The following TMEM119 variants were observed in gnomAD, a reference collection of about 807,000 sequenced individuals.
The protein encoded by TMEM119 is transmembrane protein 119, also known as osteoblast induction factor.
For missense variants in TMEM119, 410 were observed against 381.0 expected, an observed-to-expected ratio of 1.08 and a Z score of -0.63; for synonymous variants, 182 against 176.4, an observed-to-expected ratio of 1.03 and a Z score of -0.25.
At position 108,591,748 on chromosome 12, in the gene TMEM119, G is replaced by A. The variant is rs200950010; in HGVS notation, c.636C>T (p.Ser212=). 3.8e-5 allele frequency: 61 copies of A among 1,603,304 alleles called. No homozygotes were observed. Among genetic ancestry groups the A allele is most frequent in the East Asian group, 1.6e-4 (7 of 44,724 alleles). ...GRGAEEEEKG[S]QEGDQEVQGH... Reference sequence around the variant, plus strand: ...CCTGGACTTCCTGGTCCCCCTCCTGGCTGCCCTTCTCCTCTTCCTCTGCGC... The same window carrying A: ...CCTGGACTTCCTGGTCCCCCTCCTGACTGCCCTTCTCCTCTTCCTCTGCGC... The change falls in exon 2 of 2, where the codon AGC becomes AGT. Residue 212 remains serine, a synonymous_variant. Coordinates refer to ENST00000392806, the MANE Select transcript of TMEM119 (RefSeq NM_181724.3). The surrounding 1 kb of genome is among the most constrained non-coding windows in gnomAD (Gnocchi z 4.2).
chr12:108,597,055 C>A (rs1374850626), intron 1 of TMEM119, among the ~76,000 whole-genome samples: 1 of 152,312 alleles, frequency 6.6e-6, no homozygotes, highest in East Asian at 1.9e-4. Flanking sequence ...GGACAAGATG[C>A]GGCCATGCCT....
In TMEM119 at chr12:108,591,956, C is replaced by T. The variant is rs777917219; in HGVS notation, c.428G>A (p.Arg143Gln). 1.3e-5 allele frequency: 21 copies of T among 1,612,842 alleles called. No individual in the cohort carries two copies. Among genetic ancestry groups the T allele is most frequent in the East Asian group, 8.9e-5 (4 of 44,808 alleles). Reference sequence around the variant, plus strand: ...ACTGAAGGCCCGGGGGCCCCCGGCCCGGTCACTCTGGTCCACGTACTTCTT... The same window carrying T: ...ACTGAAGGCCCGGGGGCCCCCGGCCTGGTCACTCTGGTCCACGTACTTCTT... ...PKKKYVDQSD[R>Q]AGGPRAFSEV... is the part of the protein sequence containing the mutation. Residue 143 changes from arginine (R) to glutamine (Q), a missense_variant, in exon 2 of 2, where the codon CGG becomes CAG. Arg to Gln is a conservative substitution (Grantham distance 43, BLOSUM62 1). Transcript: ENST00000392806. This position sits in a 1 kb window ranked among gnomAD's most constrained non-coding sequence, Gnocchi z 4.2.
At position 108,591,323 on chromosome 12, in the gene TMEM119, G is replaced by A; in HGVS notation, c.*209C>T. 1.7e-6 allele frequency: 1 copy of A among 584,736 alleles called. No individual in the cohort carries two copies. Among genetic ancestry groups the A allele is most frequent in the South Asian group, 2.4e-5 (1 of 40,972 alleles). The allele number at this position is 584,736 out of a possible 1,614,324, so 36.2% of individuals were successfully genotyped here. On this transcript the variant is annotated 3_prime_UTR_variant, in exon 2 of 2. Coordinates refer to ENST00000392806, the MANE Select transcript of TMEM119 (RefSeq NM_181724.3). This position sits in a 1 kb window ranked among gnomAD's most constrained non-coding sequence, Gnocchi z 4.2. Reference sequence around the variant, plus strand: ...GATGTAGCCCTTTGGGGCTGCTGAGGTGAAGGATGATGGCACTTGGTAAGA... The same window carrying A: ...GATGTAGCCCTTTGGGGCTGCTGAGATGAAGGATGATGGCACTTGGTAAGA...
chr12:108,597,299 C>T (rs535968984), intron 1 of TMEM119, among the ~76,000 whole-genome samples: 4 of 151,986 alleles, frequency 2.6e-5, no homozygotes, highest in South Asian at 2.1e-4. Flanking sequence ...GGGGGAGGGG[C>T]GGCCCACGGA....
At position 108,596,429 on chromosome 12, in the gene TMEM119, A is replaced by AACACAC. The variant is rs34838480; in HGVS notation, c.-15+1535_-15+1540dup. Among the ~76,000 whole-genome samples the AACACAC allele has an allele frequency of 7.6e-4, 115 of 150,432 alleles. 1 individual carries two copies. The highest frequency in any genetic ancestry group is 3.4e-3 in the South Asian group (16 of 4,746). ...TACACCTACACACACATATACATAC[A>AACACAC]ACACACACACACACACACACACGAA... On this transcript the variant is annotated intron_variant, in intron 1 of 1. Transcript: ENST00000392806.
At chr12:108,595,899 T>C (rs2031497795) in intron 1 of TMEM119, among the ~76,000 whole-genome samples, 1 of 152,222 alleles carries the variant, frequency 6.6e-6, no homozygotes, top group African/African-American at 2.4e-5. Context: ...AGAGCTTTTG[T>C]GGCAACAACT....
chr12:108,592,039 C>G lies in TMEM119; in HGVS notation c.345G>C (p.Ala115=), dbSNP rs768840668. 1 of 1,614,116 alleles carries G rather than the reference C, an allele frequency of 6.2e-7. No individual in the cohort carries two copies. The stretch of plus-strand genomic sequence containing the variant: ...CCTTCTGCTTCTGCCGGGTGATGAC[C>G]GCGGCACAGACGATGAACATCAGCA... ...AFLLMFIVCA[A]VITRQKQKAS... is the part of the protein sequence containing the mutation. The change falls in exon 2 of 2, where the codon GCG becomes GCC. Residue 115 remains alanine, a synonymous_variant. Coordinates refer to ENST00000392806, the MANE Select transcript of TMEM119 (RefSeq NM_181724.3). This position sits in a 1 kb window ranked among gnomAD's most constrained non-coding sequence, Gnocchi z 4.3.
Position 108,591,480 on chromosome 12 carries a change from G to T in TMEM119, c.*52C>A. ...GGCTGAAGGCCTTTTCATACACGGG[G>T]AGGTGACCACTTGGGGGCCCGACAG... On this transcript the variant is annotated 3_prime_UTR_variant, in exon 2 of 2. Transcript: ENST00000392806. The surrounding 1 kb of genome is among the most constrained non-coding windows in gnomAD (Gnocchi z 4.2). 12 of 1,522,246 alleles carry T rather than the reference G, an allele frequency of 7.9e-6. No homozygotes were observed. The highest frequency in any genetic ancestry group is 1.1e-5 in the Non-Finnish European group (12 of 1,138,182). The allele number at this position is 1,522,246 out of a possible 1,614,324, so 94.3% of individuals were successfully genotyped here.
At chr12:108,593,419 C>T (rs1270894387) in intron 1 of TMEM119, among the ~76,000 whole-genome samples, 1 of 151,830 alleles carries the variant, frequency 6.6e-6, no homozygotes, top group Non-Finnish European at 1.5e-5. Context: ...ACACTCCAGC[C>T]TAGGTGACAG....
At position 108,590,938 on chromosome 12, in the gene TMEM119, T is replaced by C. The variant is rs2031381426; in HGVS notation, c.*594A>G. On this transcript the variant is annotated 3_prime_UTR_variant, in exon 2 of 2. Transcript: ENST00000392806. Reference sequence around the variant, plus strand: ...ATACTGCTTCACGCCAGGCTGCATGTTGCCTTACGAACGCTGGGCACCTTG... The same window carrying C: ...ATACTGCTTCACGCCAGGCTGCATGCTGCCTTACGAACGCTGGGCACCTTG... The C allele has an allele frequency of 6.6e-6, 1 of 152,290 alleles. No individual in the cohort carries two copies. The highest frequency in any genetic ancestry group is 2.4e-5 in the African/African-American group (1 of 41,472). 9.4% of individuals were successfully genotyped at this position (152,290 alleles called of 1,614,324 possible).
At position 108,591,393 on chromosome 12, in the gene TMEM119, T is replaced by A; in HGVS notation, c.*139A>T. On this transcript the variant is annotated 3_prime_UTR_variant, in exon 2 of 2. Coordinates refer to ENST00000392806, the MANE Select transcript of TMEM119 (RefSeq NM_181724.3). The surrounding 1 kb of genome is among the most constrained non-coding windows in gnomAD (Gnocchi z 4.2). ...ACCAGCATTTCTGCCTGCTGTAGAA[T>A]CAGCACATGCTGGGATTGGCACCAC... is the stretch of plus-strand genomic sequence containing the variant. 9.9e-7 allele frequency: 1 copy of A among 1,011,506 alleles called. No homozygotes were observed. Among genetic ancestry groups the A allele is most frequent in the South Asian group, 1.7e-5 (1 of 59,834 alleles). The allele number at this position is 1,011,506 out of a possible 1,614,324, so 62.7% of individuals were successfully genotyped here. A position where few individuals can be genotyped will look rare whatever the true frequency, so the allele number is the denominator to read the frequency against.
In TMEM119 at chr12:108,591,722, C is replaced by A; in HGVS notation, c.662G>T (p.Gly221Val). Residue 221 changes from glycine to valine, a missense_variant, in exon 2 of 2, where the codon GGA becomes GTA. Physicochemically the swap from Gly to Val is moderately radical, Grantham distance 109. Coordinates refer to ENST00000392806, the MANE Select transcript of TMEM119 (RefSeq NM_181724.3). The surrounding 1 kb of genome is among the most constrained non-coding windows in gnomAD (Gnocchi z 4.2). ...GSQEGDQEVQ[G>V]HGVPVETPEA... ...TGGTGTCTCCACTGGGACCCCATGT[C>A]CCTGGACTTCCTGGTCCCCCTCCTG... The A allele has an allele frequency of 6.2e-7, 1 of 1,609,484 alleles. No homozygotes were observed. Among genetic ancestry groups the A allele is most frequent in the Non-Finnish European group, 8.5e-7 (1 of 1,177,630 alleles).
At chr12:108,594,713 C>T (rs934236616) in intron 1 of TMEM119, among the ~76,000 whole-genome samples, 9 of 151,690 alleles carry the variant, frequency 5.9e-5, no homozygotes, top group Admixed American at 2.0e-4. Flanking sequence ...AGGCCGAGGC[C>T]GGAGGATTGA....
chr12:108,591,816 C>G lies in TMEM119; in HGVS notation c.568G>C (p.Ala190Pro), dbSNP rs1327451461. ...CTGGCTCCGTCCCCACCGCCCAGTG[C>G]AGCCCTGGTGGGGGACTTGAGGTTC... ...TQNLKSPTRA[A>P]LGGGDGARMV... The change falls in exon 2 of 2, where the codon GCA (alanine) becomes CCA (proline). Residue 190 changes from alanine (A) to proline (P), a missense_variant. Coordinates refer to ENST00000392806, the MANE Select transcript of TMEM119 (RefSeq NM_181724.3). This position sits in a 1 kb window ranked among gnomAD's most constrained non-coding sequence, Gnocchi z 4.2. 5 of 1,598,408 alleles carry G rather than the reference C, an allele frequency of 3.1e-6. No individual in the cohort carries two copies. Among genetic ancestry groups the G allele is most frequent in the Non-Finnish European group, 4.3e-6 (5 of 1,172,650 alleles).
At chr12:108,595,493 A>G (rs1228866938) in intron 1 of TMEM119, among the ~76,000 whole-genome samples, 2 of 149,760 alleles carry the variant, frequency 1.3e-5, no homozygotes, top group South Asian at 2.1e-4. Flanking sequence ...ACACACAAAC[A>G]TGCACACACG....
chr12:108,593,130 G>T (rs2031448222), intron 1 of TMEM119, among the ~76,000 whole-genome samples: 1 of 152,134 alleles, frequency 6.6e-6, no homozygotes, highest in Non-Finnish European at 1.5e-5. Context: ...CGCCAGCCCA[G>T]CTCTACCTTA....
intron 1 of TMEM119, among the ~76,000 whole-genome samples, chr12:108,596,776 C>G (rs972669980): frequency 1.3e-5 from 2 of 152,232 alleles, no homozygotes; most frequent in Admixed American, 6.5e-5. Flanking sequence ...CAGAATCTAA[C>G]AGGCCATTAG....
At position 108,591,574 on chromosome 12, in the gene TMEM119, G is replaced by T. The variant is rs747525583; in HGVS notation, c.810C>A (p.Pro270=). 37 of 1,612,306 alleles carry T rather than the reference G, an allele frequency of 2.3e-5. No homozygotes were observed. The highest frequency in any genetic ancestry group is 3.0e-5 in the Non-Finnish European group (35 of 1,179,166). The change falls in exon 2 of 2, where the codon CCC becomes CCA. Residue 270 remains proline (P), a synonymous_variant. Coordinates refer to ENST00000392806, the MANE Select transcript of TMEM119 (RefSeq NM_181724.3). The surrounding 1 kb of genome is among the most constrained non-coding windows in gnomAD (Gnocchi z 4.2). ...CACTGCTGCAAGCACAGGGGCTTTC[G>T]GGGGGACCCACTGGTCCCTGGGCTT... is the stretch of plus-strand genomic sequence containing the variant. ...AQEAQGPVGP[P]ESPCACSSVH... is the part of the protein sequence containing the mutation.
At chr12:108,595,562 C>A (rs370820388) in intron 1 of TMEM119, among the ~76,000 whole-genome samples, 1 of 151,494 alleles carries the variant, frequency 6.6e-6, no homozygotes, top group Non-Finnish European at 1.5e-5. Context: ...CCACACACAC[C>A]CCTATACACA....
Sources: gnomAD v4.1 joint callset for allele counts (sites outside exome capture counted in the v4.1 genomes callset) on GRCh38, gnomAD v4.1.1 for gene constraint, Gnocchi (gnomAD v3.1) non-coding constraint, MANE v1.5 for transcripts, NCBI Gene and HGNC (gene_info 2026-07-23, HGNC 2026-07-21) for gene names.